Variants in KIAA1217 observed in about 807,000 individuals in gnomAD.
KIAA1217 encodes the protein sickle tail protein homolog.
Under a neutral mutation model 163.9 loss-of-function variants are expected in KIAA1217, and 88 were observed. That is an observed-to-expected ratio of 0.54 (90% CI 0.45 to 0.64). KIAA1217 has a LOEUF of 0.64. KIAA1217 is among the 30% of genes least tolerant of loss of function. The pLI, the probability that KIAA1217 is intolerant of heterozygous loss-of-function variation, is 0.00. For synonymous variants in KIAA1217, 903 were observed against 923.1 expected, an observed-to-expected ratio of 0.98 and a Z score of 0.39; for missense variants, 2,372 against 2,475.0, an observed-to-expected ratio of 0.96 and a Z score of 0.88.
At chr10:24,197,716 T>C (rs1247043916) in intron 2 of KIAA1217, among the ~76,000 whole-genome samples, 1 of 152,256 alleles carries the variant, frequency 6.6e-6, no homozygotes. Context: ...TTTTCCTGAA[T>C]TACTGTAACA....
At chr10:24,227,164 T>TATTATC (rs1349351194) in intron 2 of KIAA1217, among the ~76,000 whole-genome samples, 10 of 150,990 alleles carry the variant, frequency 6.6e-5, no homozygotes, top group Non-Finnish European at 8.9e-5. Flanking sequence ...TTATTATTAT[T>TATTATC]ATCATTATTT....
rs576199288 is a variant in KIAA1217, at chr10:23,987,202, C to T, written c.-320-20023C>T. On this transcript the variant is annotated intron_variant, in intron 1 of 18. Transcript: ENST00000376462. ...ACCATCCGGGCTAACATGGTGAAAC[C>T]CTGTCTCTACTAAAAATACAAAAAA... Among the ~76,000 whole-genome samples the T allele has an allele frequency of 9.9e-5, 15 of 151,694 alleles. No homozygotes were observed. In the South Asian group the frequency reaches 3.1e-3, roughly 32 times the overall value.
chr10:23,957,994 C>T (rs1305127802), intron 1 of KIAA1217, among the ~76,000 whole-genome samples: 1 of 152,126 alleles, frequency 6.6e-6, no homozygotes, highest in African/African-American at 2.4e-5. Flanking sequence ...AAATTACATT[C>T]CATTCCCTGA....
In KIAA1217 at chr10:24,323,788, C is replaced by CGTGTGTGTGTGTGT. The variant is rs60528535; in HGVS notation, c.355-57050_355-57037dup. 1.6e-3 allele frequency among the ~76,000 whole-genome samples: 228 copies of CGTGTGTGTGTGTGT among 144,290 alleles called. 2 individuals carry two copies. The highest frequency in any genetic ancestry group is 5.4e-3 in the African/African-American group (207 of 38,570). 94.7% of individuals were successfully genotyped at this position (144,290 alleles called of 152,430 possible). A position where few individuals can be genotyped will look rare whatever the true frequency, so the allele number is the denominator to read the frequency against. On this transcript the variant is annotated intron_variant, in intron 2 of 20. Coordinates refer to ENST00000376454, the MANE Select transcript of KIAA1217 (RefSeq NM_019590.5). ...GAAGACAATGCCCATGTTTTCTCTT[C>CGTGTGTGTGTGTGT]GTGTGTGTGTGTGTGTGTGTGTGTG...
chr10:23,921,649 G>A (rs1368489426), intron 1 of KIAA1217, among the ~76,000 whole-genome samples: 32 of 152,124 alleles, frequency 2.1e-4, no homozygotes, highest in Admixed American at 2.1e-3. Flanking sequence ...TATTCTTTCT[G>A]CAGGCCCATG....
At chr10:24,477,299 T>C (rs766697741) in intron 6 of KIAA1217, among the ~76,000 whole-genome samples, 1 of 152,228 alleles carries the variant, frequency 6.6e-6, no homozygotes, top group Non-Finnish European at 1.5e-5. Context: ...GTAATCATCA[T>C]GACAACCCAG....
chr10:23,848,517 A>G (rs1013371031), intron 1 of KIAA1217, among the ~76,000 whole-genome samples: 5 of 152,046 alleles, frequency 3.3e-5, no homozygotes, highest in Admixed American at 6.6e-5. Context: ...GAATCTCAAA[A>G]TTGGTATGTC....
chr10:23,816,153 C>T (rs1837304149), intron 1 of KIAA1217, among the ~76,000 whole-genome samples: 1 of 152,116 alleles, frequency 6.6e-6, no homozygotes, highest in South Asian at 2.1e-4. Flanking sequence ...TGTAAAGGTC[C>T]CCTCTGCAAG....
intron 2 of KIAA1217, among the ~76,000 whole-genome samples, chr10:24,270,796 C>T (rs1669209847): frequency 6.6e-6 from 1 of 152,224 alleles, no homozygotes; most frequent in African/African-American, 2.4e-5. Flanking sequence ...ATCCACCTGC[C>T]TTGGCCTCCC....
intron 1 of KIAA1217, among the ~76,000 whole-genome samples, chr10:23,727,470 G>A (rs1467031362): frequency 6.6e-6 from 1 of 151,982 alleles, no homozygotes; most frequent in Non-Finnish European, 1.5e-5. Flanking sequence ...TGAGACAAGA[G>A]AATCACTTGA....
intron 15 of KIAA1217, among the ~76,000 whole-genome samples, chr10:24,532,513 G>A (rs2073273184): frequency 6.6e-6 from 1 of 152,222 alleles, no homozygotes; most frequent in South Asian, 2.1e-4. Context: ...CTGAGACTGG[G>A]TGATAAAGGG....
At chr10:23,763,697 T>A (rs769375548) in intron 1 of KIAA1217, among the ~76,000 whole-genome samples, 2 of 152,160 alleles carry the variant, frequency 1.3e-5, no homozygotes, top group Non-Finnish European at 2.9e-5. Flanking sequence ...GGGCGAAGAC[T>A]TCATGACAAG....
At chr10:23,987,119 T>C (rs997382274) in intron 1 of KIAA1217, among the ~76,000 whole-genome samples, 23 of 152,116 alleles carry the variant, frequency 1.5e-4, no homozygotes, top group African/African-American at 5.6e-4. Flanking sequence ...GGCTCACACC[T>C]GTAATCCCAG....
intron 2 of KIAA1217, among the ~76,000 whole-genome samples, chr10:24,107,026 C>T (rs1270659879): frequency 6.6e-6 from 1 of 152,138 alleles, no homozygotes; most frequent in Admixed American, 6.6e-5. Flanking sequence ...TCAATCCTCA[C>T]CCTCCTCCCA....
intron 2 of KIAA1217, among the ~76,000 whole-genome samples, chr10:24,117,074 G>A (rs947788653): frequency 2.0e-5 from 3 of 151,496 alleles, no homozygotes; most frequent in African/African-American, 7.3e-5. Context: ...TTTTGCTCTT[G>A]TTGCCCAGGC....
chr10:23,918,512 C>A (rs189220172), intron 1 of KIAA1217, among the ~76,000 whole-genome samples: 1 of 152,206 alleles, frequency 6.6e-6, no homozygotes, highest in Admixed American at 6.5e-5. Context: ...TGGGTCACAG[C>A]TGAGACCCCT....
intron 1 of KIAA1217, among the ~76,000 whole-genome samples, chr10:23,756,282 G>A (rs555423804): frequency 2.6e-5 from 4 of 152,038 alleles, no homozygotes; most frequent in Admixed American, 2.0e-4. Context: ...TTTTAAAGAA[G>A]TATAAGGTTT....
chr10:24,384,303 T>C (rs184883143), intron 3 of KIAA1217, among the ~76,000 whole-genome samples: 16 of 152,310 alleles, frequency 1.1e-4, no homozygotes, highest in African/African-American at 3.1e-4. Flanking sequence ...TCATTTTATT[T>C]TTTAGGAGCA....
chr10:24,109,929 G>T (rs1325257739), intron 2 of KIAA1217, among the ~76,000 whole-genome samples: 1 of 152,220 alleles, frequency 6.6e-6, no homozygotes, highest in Non-Finnish European at 1.5e-5. Flanking sequence ...GCAGTGGCAC[G>T]ATCACTGCTC....
Sources: allele counts gnomAD v4.1 joint callset (sites outside exome capture counted in the v4.1 genomes callset), GRCh38; gene constraint gnomAD v4.1.1; transcripts MANE v1.5; gene names NCBI Gene and HGNC (gene_info 2026-07-23, HGNC 2026-07-21).